Variants in ANKRD30B observed in about 807,000 individuals in gnomAD.
ANKRD30B encodes ankyrin repeat domain 30B.
A neutral mutation model predicts 202.2 loss-of-function variants in ANKRD30B; 144 were observed. The ratio of observed to expected loss-of-function variants is 0.71; its 90% CI spans 0.62 to 0.82. ANKRD30B has a LOEUF of 0.82. Among genes scored for constraint, ANKRD30B ranks in the 40% least tolerant of loss-of-function variants. The probability of loss-of-function intolerance (pLI) is 0.00; values close to 1 mark genes in which losing one functional copy is unlikely to be tolerated. For missense variants in ANKRD30B, 1,487 were observed against 1,669.1 expected, an observed-to-expected ratio of 0.89 and a Z score of 1.90; for synonymous variants, 508 against 561.3, an observed-to-expected ratio of 0.91 and a Z score of 1.34.
the ANKRD30B span, among the ~76,000 whole-genome samples, chr18:14,874,577 T>G: frequency 6.6e-6 from 1 of 151,866 alleles, no homozygotes; most frequent in Non-Finnish European, 1.5e-5. Flanking sequence ...CAGTTTTCTC[T>G]TTTTGTATTT....
At chr18:14,855,649 C>T (rs1055276360), downstream of ANKRD30B, among the ~76,000 whole-genome samples, 4 of 150,056 alleles carry the variant, frequency 2.7e-5, no homozygotes, top group Non-Finnish European at 4.4e-5. Flanking sequence ...GGCAGAGGCA[C>T]TCCTCACATC....
chr18:14,754,973 T>C lies in ANKRD30B; in HGVS notation c.585T>C (p.Asn195=), dbSNP rs1333420676. ...CTGTGGAATTTTTACTAACAAAAAATGCAAATGCAAACGCATTTAATGAGT... is the reference window on the plus strand; with the variant it reads ...CTGTGGAATTTTTACTAACAAAAAACGCAAATGCAAACGCATTTAATGAGT... ...KQTVEFLLTK[N]ANANAFNESK... is the part of the protein sequence containing the mutation. Residue 195 remains asparagine (N), a synonymous_variant, in exon 4 of 44, where the codon AAT becomes AAC. Transcript: ENST00000690538. 2 of 1,544,720 alleles carry C rather than the reference T, an allele frequency of 1.3e-6. No individual in the cohort carries two copies. The highest frequency in any genetic ancestry group is 2.7e-5 in the African/African-American group (2 of 72,746).
the ANKRD30B span, among the ~76,000 whole-genome samples, chr18:14,934,085 A>G: frequency 6.7e-6 from 1 of 149,912 alleles, no homozygotes; most frequent in East Asian, 1.9e-4. Context: ...GGCAGCCATA[A>G]AAAGCAAGCA....
chr18:14,890,026 A>G, the ANKRD30B span: 34 of 1,239,878 alleles, frequency 2.7e-5, 1 homozygote, highest in South Asian at 3.8e-4. Context: ...ATTGCAAGAT[A>G]GAATTCACTT....
chr18:14,764,724 C>G (rs1915829795), intron 7 of ANKRD30B, among the ~76,000 whole-genome samples: 2 of 152,174 alleles, frequency 1.3e-5, no homozygotes, highest in African/African-American at 2.4e-5. Context: ...AGCAACAGCT[C>G]CAATCATCAT....
chr18:14,841,883 A>T (rs1329792201), intron 37 of ANKRD30B, among the ~76,000 whole-genome samples: 3 of 152,222 alleles, frequency 2.0e-5, no homozygotes, highest in Non-Finnish European at 4.4e-5. Flanking sequence ...TTTCTCTATT[A>T]CTATCAGGCA....
Position 14,773,801 on chromosome 18 carries a change from G to A in ANKRD30B, c.1329+1573G>A, listed in dbSNP as rs1289927956. On this transcript the variant is annotated intron_variant, in intron 9 of 43. Coordinates refer to ENST00000690538, the MANE Select transcript of ANKRD30B (RefSeq NM_001367607.2). ...CTCCTGTGTAGCTGGGACTACAGGC[G>A]CATGCCACAATGCACAGTTAATTTT... Among the ~76,000 whole-genome samples the A allele has an allele frequency of 5.9e-5, 9 of 151,952 alleles. No individual in the cohort carries two copies. In the South Asian group the frequency reaches 8.3e-4, roughly 14 times the overall value.
At chr18:14,784,420 G>T (rs780674750) in intron 13 of ANKRD30B, 43 bp from the exon 14 acceptor site, 2 of 1,612,302 alleles carry the variant, frequency 1.2e-6, no homozygotes, top group East Asian at 2.2e-5. Flanking sequence ...ACTTTGTGAA[G>T]TACACATTCT....
At chr18:14,754,819 A>G (rs907956590) in intron 3 of ANKRD30B, 80 bp from the exon 4 acceptor site, 1 of 958,682 alleles carries the variant, frequency 1.0e-6, no homozygotes, top group African/African-American at 1.7e-5. Flanking sequence ...GTTTAAGTTA[A>G]TAGGATATAA....
chr18:14,866,948 G>A, the ANKRD30B span, among the ~76,000 whole-genome samples: 1 of 135,798 alleles, frequency 7.4e-6, no homozygotes, highest in Non-Finnish European at 1.6e-5. Flanking sequence ...GAGCTACAAT[G>A]TCAGCAACAA....
chr18:14,837,139 G>A, intron 34 of ANKRD30B, 72 bp from the exon 35 acceptor site: 2 of 882,190 alleles, frequency 2.3e-6, no homozygotes, highest in South Asian at 1.6e-5. Context: ...AATTGATTGA[G>A]TGAGTGAATA....
chr18:14,855,984 G>A (rs1972096979), downstream of ANKRD30B, among the ~76,000 whole-genome samples: 1 of 141,478 alleles, frequency 7.1e-6, no homozygotes, highest in African/African-American at 2.6e-5. Flanking sequence ...GCTGGGCAAA[G>A]GCGCTCCTCA....
chr18:14,757,123 A>G (rs1431278036), intron 4 of ANKRD30B, among the ~76,000 whole-genome samples: 2 of 152,184 alleles, frequency 1.3e-5, no homozygotes, highest in East Asian at 1.9e-4. Context: ...GAAGAAAGAC[A>G]TCTTTAATTT....
intron 22 of ANKRD30B, among the ~76,000 whole-genome samples, chr18:14,799,767 T>A (rs1969195366): frequency 2.0e-5 from 3 of 151,710 alleles, no homozygotes; most frequent in Admixed American, 1.3e-4. Flanking sequence ...GTGTGTGACA[T>A]ATAATTTTTA....
chr18:14,839,907 T>G (rs765717167), intron 36 of ANKRD30B, among the ~76,000 whole-genome samples: 3 of 152,232 alleles, frequency 2.0e-5, no homozygotes, highest in Non-Finnish European at 4.4e-5. Flanking sequence ...TGTCAAATGT[T>G]TAATCATATT....
chr18:14,851,665 A>C lies in ANKRD30B; in HGVS notation c.3721A>C (p.Lys1241Gln). Residue 1241 changes from lysine (K) to glutamine (Q), a missense_variant, in exon 42 of 44, where the codon AAG becomes CAG. Physicochemically the swap from Lys to Gln is moderately conservative, Grantham distance 53 (BLOSUM62 1). Transcript: ENST00000690538. The part of the protein sequence containing the change: ...YFEDIKILQE[K>Q]NAELQMTLKL... ...TGAGGACATTAAGATTTTACAAGAA[A>C]AGAATGCTGAACTTCAAATGACCCT... 1 of 1,610,984 alleles carries C rather than the reference A, an allele frequency of 6.2e-7. No homozygotes were observed. The highest frequency in any genetic ancestry group is 8.5e-7 in the Non-Finnish European group (1 of 1,178,794).
chr18:14,805,300 T>C (rs1969439227), intron 24 of ANKRD30B, among the ~76,000 whole-genome samples: 1 of 150,970 alleles, frequency 6.6e-6, no homozygotes, highest in Admixed American at 6.6e-5. Flanking sequence ...ATTTTACTGA[T>C]TTTAACCTAG....
At chr18:14,808,100 A>G (rs1189884573) in intron 24 of ANKRD30B, among the ~76,000 whole-genome samples, 4 of 150,964 alleles carry the variant, frequency 2.6e-5, no homozygotes, top group South Asian at 2.1e-4. Flanking sequence ...TGAAGAACAT[A>G]ATAGCTACTT....
intron 18 of ANKRD30B, 26 bp downstream of exon 18, chr18:14,796,441 T>A (rs1425191221): frequency 6.5e-7 from 1 of 1,534,164 alleles, no homozygotes; most frequent in Non-Finnish European, 8.8e-7. Flanking sequence ...TAACTTTTAA[T>A]CTGTAATTAA....
Sources: gnomAD v4.1 joint callset for allele counts (sites outside exome capture counted in the v4.1 genomes callset) on GRCh38, gnomAD v4.1.1 for gene constraint, MANE v1.5 for transcripts, NCBI Gene and HGNC (gene_info 2026-07-23, HGNC 2026-07-21) for gene names.